The following CCDC178 variants were observed in gnomAD, a reference collection of about 807,000 sequenced individuals.
CCDC178 encodes coiled-coil domain-containing protein 178.
A neutral mutation model predicts 117.4 loss-of-function variants in CCDC178; 126 were observed. That is an observed-to-expected ratio of 1.07 (90% CI 0.93 to 1.24). The LOEUF (loss-of-function observed/expected upper bound fraction) is 1.24, where lower values mean the gene tolerates loss of function less well. Ranked by LOEUF, CCDC178 falls within the 50% of genes most tolerant of loss-of-function variation. The pLI, the probability that CCDC178 is intolerant of heterozygous loss-of-function variation, is 0.00. For synonymous variants in CCDC178, 283 were observed against 313.4 expected, an observed-to-expected ratio of 0.90 and a Z score of 1.02; for missense variants, 1,030 against 986.9, an observed-to-expected ratio of 1.04 and a Z score of -0.59.
intron 21 of CCDC178, among the ~76,000 whole-genome samples, chr18:33,066,801 A>G (rs1032558874): frequency 1.3e-5 from 2 of 152,232 alleles, no homozygotes; most frequent in African/African-American, 4.8e-5. Flanking sequence ...TCAAGAGGAT[A>G]TCACAATTCT....
At chr18:32,991,792 T>C (rs2055399763) in intron 21 of CCDC178, among the ~76,000 whole-genome samples, 1 of 152,186 alleles carries the variant, frequency 6.6e-6, no homozygotes, top group Non-Finnish European at 1.5e-5. Flanking sequence ...TCCAGGCACA[T>C]CCCTGCATGA....
intron 21 of CCDC178, among the ~76,000 whole-genome samples, chr18:33,017,319 C>T (rs2056012667): frequency 6.6e-6 from 1 of 151,442 alleles, no homozygotes; most frequent in Non-Finnish European, 1.5e-5. Context: ...ACAAATAATC[C>T]CCAAATACCA....
chr18:33,410,997 G>T (rs1478848262), intron 3 of CCDC178, among the ~76,000 whole-genome samples: 1 of 152,060 alleles, frequency 6.6e-6, no homozygotes, highest in Non-Finnish European at 1.5e-5. Context: ...CTGTAAACGA[G>T]CTCAGCCAAA....
chr18:33,050,005 C>T lies in CCDC178; in HGVS notation c.2388+42756G>A, dbSNP rs527902593. On this transcript the variant is annotated intron_variant, in intron 21 of 22. Transcript: ENST00000383096. ...CTGAGGCAGGAGAATCGCTTGAACC[C>T]GGGAGGCGGAGTTTGCCGTGATCTG... 1.8e-4 allele frequency among the ~76,000 whole-genome samples: 28 copies of T among 152,104 alleles called. No homozygotes were observed. In the East Asian group the frequency reaches 5.0e-3, roughly 27 times the overall value.
At chr18:33,433,790 T>TTGTGTGTGTGTG (rs5823897) in intron 2 of CCDC178, among the ~76,000 whole-genome samples, 48 of 149,400 alleles carry the variant, frequency 3.2e-4, no homozygotes, top group African/African-American at 1.1e-3. Flanking sequence ...ATAGCAGAAT[T>TTGTGTGTGTGTG]TGTGTGTGTG....
chr18:32,937,883 G>A lies in CCDC178; in HGVS notation c.*128C>T, dbSNP rs2054153573. On this transcript the variant is annotated 3_prime_UTR_variant, in exon 23 of 23. Coordinates refer to ENST00000383096, the MANE Select transcript of CCDC178 (RefSeq NM_001105528.4). ...AAAAGAGTGGCAAAGCATGCTGGGAGGTGAGTGAGTTTTTCGTTCATGGAA... is the reference window on the plus strand; with the variant it reads ...AAAAGAGTGGCAAAGCATGCTGGGAAGTGAGTGAGTTTTTCGTTCATGGAA... The A allele has an allele frequency of 2.9e-6, 2 of 681,336 alleles. No homozygotes were observed. The highest frequency in any genetic ancestry group is 1.8e-5 in the African/African-American group (1 of 56,106). 42.2% of individuals were successfully genotyped at this position (681,336 alleles called of 1,614,324 possible).
intron 20 of CCDC178, among the ~76,000 whole-genome samples, chr18:33,187,614 T>C (rs537825597): frequency 1.3e-5 from 2 of 152,264 alleles, no homozygotes; most frequent in South Asian, 4.1e-4. Context: ...AAAATTTGTA[T>C]AAACAAAAAC....
intron 21 of CCDC178, among the ~76,000 whole-genome samples, chr18:33,054,243 G>A (rs1312858173): frequency 6.6e-6 from 1 of 152,074 alleles, no homozygotes; most frequent in Non-Finnish European, 1.5e-5. Flanking sequence ...AAATATGACA[G>A]TCATTACACA....
chr18:33,151,905 A>T (rs1014469914), intron 20 of CCDC178, among the ~76,000 whole-genome samples: 1 of 152,206 alleles, frequency 6.6e-6, no homozygotes, highest in Admixed American at 6.5e-5. Flanking sequence ...ATGGTGAAAA[A>T]TACATATTCC....
intron 20 of CCDC178, among the ~76,000 whole-genome samples, chr18:33,172,265 C>T (rs556261026): frequency 3.9e-5 from 6 of 152,088 alleles, no homozygotes; most frequent in Non-Finnish European, 5.9e-5. Flanking sequence ...TCTGAATATA[C>T]CTGTCCTTGA....
chr18:33,302,858 G>A (rs1032085995), intron 11 of CCDC178, among the ~76,000 whole-genome samples: 8 of 152,146 alleles, frequency 5.3e-5, no homozygotes, highest in South Asian at 4.2e-4. Flanking sequence ...TAAAGGCTGG[G>A]AAATGTAGGA....
chr18:33,345,673 T>C (rs377561708), intron 9 of CCDC178, among the ~76,000 whole-genome samples: 2 of 152,278 alleles, frequency 1.3e-5, no homozygotes, highest in East Asian at 3.9e-4. Context: ...TGCCAAATGT[T>C]TGCATGCTCT....
intron 22 of CCDC178, among the ~76,000 whole-genome samples, chr18:32,940,123 T>C (rs1443828143): frequency 1.3e-5 from 2 of 152,060 alleles, no homozygotes; most frequent in Non-Finnish European, 2.9e-5. Flanking sequence ...ATTATGTTTT[T>C]AGTATTTGCT....
At chr18:33,403,307 T>C (rs771363922) in intron 3 of CCDC178, among the ~76,000 whole-genome samples, 1 of 152,130 alleles carries the variant, frequency 6.6e-6, no homozygotes, top group Non-Finnish European at 1.5e-5. Flanking sequence ...GCCAACTGGA[T>C]AGAGATTTCA....
chr18:33,373,791 A>G (rs1379612062), intron 5 of CCDC178, among the ~76,000 whole-genome samples: 2 of 152,152 alleles, frequency 1.3e-5, no homozygotes, highest in African/African-American at 4.8e-5. Flanking sequence ...CATTTTTTAA[A>G]CTTTTTACCT....
At chr18:32,975,849 T>C (rs1275805754) in intron 21 of CCDC178, among the ~76,000 whole-genome samples, 2 of 152,124 alleles carry the variant, frequency 1.3e-5, no homozygotes, top group African/African-American at 4.8e-5. Flanking sequence ...GGGTTACATA[T>C]GCAGGATCCT....
At chr18:33,084,513 T>C (rs2057346678) in intron 21 of CCDC178, among the ~76,000 whole-genome samples, 1 of 152,074 alleles carries the variant, frequency 6.6e-6, no homozygotes, top group African/African-American at 2.4e-5. Context: ...TGTTTGGTGG[T>C]ATAAGATTCG....
At chr18:33,312,390 C>A (rs1489439344) in intron 11 of CCDC178, among the ~76,000 whole-genome samples, 2 of 152,150 alleles carry the variant, frequency 1.3e-5, no homozygotes, top group Non-Finnish European at 2.9e-5. Context: ...AACAAGGGAC[C>A]TGGGGGATCT....
At chr18:33,206,456 T>C (rs944945050) in intron 20 of CCDC178, among the ~76,000 whole-genome samples, 1 of 151,588 alleles carries the variant, frequency 6.6e-6, no homozygotes, top group African/African-American at 2.4e-5. Flanking sequence ...AAACAAAATA[T>C]AAAAATTTAT....
Sources: gnomAD v4.1 joint callset for allele counts (sites outside exome capture counted in the v4.1 genomes callset) on GRCh38, gnomAD v4.1.1 for gene constraint, MANE v1.5 for transcripts, NCBI Gene and HGNC (gene_info 2026-07-23, HGNC 2026-07-21) for gene names.